The following ZNF475 variants were observed in gnomAD, a reference collection of about 807,000 sequenced individuals.
ZNF475 encodes the protein zinc finger protein 475.
chr5:122,172,473 G>A, the ZNF475 span, among the ~76,000 whole-genome samples: 1 of 152,064 alleles, frequency 6.6e-6, no homozygotes, highest in East Asian at 1.9e-4. Context: ...CACTTCCTGG[G>A]GCTAATAGAC....
chr5:122,165,169 C>G, the ZNF475 span, among the ~76,000 whole-genome samples: 1 of 152,226 alleles, frequency 6.6e-6, no homozygotes, highest in Non-Finnish European at 1.5e-5. Context: ...CCAGATGCAT[C>G]TGCATTTAGT....
chr5:122,182,435 GT>G, the ZNF475 span: 4 of 1,358,006 alleles, frequency 2.9e-6, no homozygotes, highest in Non-Finnish European at 1.9e-6. Context: ...TTTCCCTTTT[GT>G]TTTTGGTATT....
the ZNF475 span, among the ~76,000 whole-genome samples, chr5:122,168,114 G>A: frequency 1.3e-5 from 2 of 152,104 alleles, no homozygotes; most frequent in African/African-American, 4.8e-5. Context: ...GTGCCATCTC[G>A]GCTCACTACA....
chr5:122,172,209 A>G, the ZNF475 span, among the ~76,000 whole-genome samples: 1 of 152,192 alleles, frequency 6.6e-6, no homozygotes, highest in Non-Finnish European at 1.5e-5. Flanking sequence ...TGGCTATATC[A>G]TGTATTTATT....
the ZNF475 span, among the ~76,000 whole-genome samples, chr5:122,164,557 G>C: frequency 4.6e-5 from 7 of 152,144 alleles, no homozygotes; most frequent in African/African-American, 2.4e-5. Flanking sequence ...GGGACCAGGG[G>C]CATGCACACT....
the ZNF475 span, among the ~76,000 whole-genome samples, chr5:122,165,550 A>G: frequency 1.3e-5 from 2 of 152,276 alleles, no homozygotes; most frequent in South Asian, 4.1e-4. Context: ...TGAAGGTAGG[A>G]GTGCCTTTTT....
At chr5:122,163,119 G>T in the ZNF475 span, 2 of 151,968 alleles carry the variant, frequency 1.3e-5, no homozygotes, top group East Asian at 3.9e-4. Flanking sequence ...AAGGACCTGG[G>T]ATGGTGCCTA....
the ZNF475 span, among the ~76,000 whole-genome samples, chr5:122,175,516 C>G: frequency 6.6e-6 from 1 of 152,116 alleles, no homozygotes; most frequent in African/African-American, 2.4e-5. Flanking sequence ...AATATTCTTC[C>G]CTAATTGAAT....
At chr5:122,182,559 C>A in the ZNF475 span, 5 of 1,534,924 alleles carry the variant, frequency 3.3e-6, no homozygotes, top group African/African-American at 6.9e-5. Context: ...CCAGTTGGTT[C>A]CCTGTAATGT....
chr5:122,182,003 C>T, the ZNF475 span, among the ~76,000 whole-genome samples: 1 of 152,162 alleles, frequency 6.6e-6, no homozygotes, highest in Non-Finnish European at 1.5e-5. Flanking sequence ...TAAATTCACT[C>T]TCAACTGTCA....
chr5:122,182,409 C>T, the ZNF475 span: 3 of 1,077,400 alleles, frequency 2.8e-6, no homozygotes, highest in Non-Finnish European at 3.8e-6. Context: ...AAAAACTGAT[C>T]CATTTTACCT....
At chr5:122,174,250 T>C in the ZNF475 span, among the ~76,000 whole-genome samples, 7 of 152,170 alleles carry the variant, frequency 4.6e-5, no homozygotes, top group African/African-American at 1.7e-4. Context: ...TAGGAAAACC[T>C]TGGACTGGAG....
At chr5:122,173,597 T>G in the ZNF475 span, among the ~76,000 whole-genome samples, 2 of 152,316 alleles carry the variant, frequency 1.3e-5, no homozygotes, top group South Asian at 4.1e-4. Context: ...AGAAAAGAGA[T>G]TAACAGAAAG....
At chr5:122,182,340 G>C in the ZNF475 span, 1 of 562,922 alleles carries the variant, frequency 1.8e-6, no homozygotes, top group East Asian at 3.2e-5. Context: ...AAAATACTCA[G>C]TCAACAGGTA....
At chr5:122,179,378 G>C in the ZNF475 span, among the ~76,000 whole-genome samples, 1 of 152,258 alleles carries the variant, frequency 6.6e-6, no homozygotes, top group East Asian at 1.9e-4. Context: ...CATGAGCATG[G>C]AATGTTTTTT....
the ZNF475 span, among the ~76,000 whole-genome samples, chr5:122,178,304 C>T: frequency 1.3e-5 from 2 of 152,150 alleles, no homozygotes; most frequent in Admixed American, 1.3e-4. Flanking sequence ...GTTCTAGATC[C>T]TTGAAGAATC....
the ZNF475 span, among the ~76,000 whole-genome samples, chr5:122,180,943 T>C: frequency 8.5e-3 from 1,302 of 152,344 alleles, 10 homozygotes; most frequent in African/African-American, 0.024. Context: ...GTTTACCTCA[T>C]TGAAACTCTC....
the ZNF475 span, among the ~76,000 whole-genome samples, chr5:122,163,488 G>A: frequency 6.6e-6 from 1 of 152,148 alleles, no homozygotes; most frequent in South Asian, 2.1e-4. Flanking sequence ...CAAACTTCCT[G>A]CATTCTATGA....
chr5:122,166,673 CT>C, the ZNF475 span, among the ~76,000 whole-genome samples: 3 of 152,312 alleles, frequency 2.0e-5, no homozygotes, highest in Non-Finnish European at 2.9e-5. Flanking sequence ...TGAACTCATA[CT>C]TTTTTATGGC....
Sources: allele counts gnomAD v4.1 joint callset (sites outside exome capture counted in the v4.1 genomes callset), GRCh38; gene constraint gnomAD v4.1.1; transcripts MANE v1.5; gene names NCBI Gene and HGNC (gene_info 2026-07-23, HGNC 2026-07-21).